Variants in ZFYVE26 observed in about 807,000 individuals in gnomAD.
ZFYVE26 encodes the protein zinc finger FYVE domain-containing protein 26.
ZFYVE26 carries 181 observed loss-of-function variants against 276.5 expected under a neutral mutation model. The observed-to-expected ratio is 0.65, with a 90% CI of 0.58 to 0.74. ZFYVE26 has a LOEUF of 0.74. ZFYVE26 is among the 30% of genes least tolerant of loss of function. The pLI is 0.00. For synonymous variants in ZFYVE26, 1,129 were observed against 1,203.1 expected (o/e 0.94, Z 1.27); for missense variants, 2,821 against 3,097.9 (o/e 0.91, Z 2.12).
In ZFYVE26 at chr14:67,762,810, G is replaced by C. The variant is rs142479838; in HGVS notation, c.6021C>G (p.Ser2007Arg). The C allele has an allele frequency of 8.7e-6, 14 of 1,613,900 alleles. No individual in the cohort carries two copies. Among genetic ancestry groups the C allele is most frequent in the Non-Finnish European group, 1.2e-5 (14 of 1,180,046 alleles). ...QDLALCDSYI[S>R]KVDVLNILVA... ...CTAAAATATTCAGCACATCTACCTT[G>C]CTGATGTAGCTACAAGGAGGAAAAG... The change falls in exon 33 of 42, where the codon AGC (serine) becomes AGG (arginine). Residue 2007 changes from serine (S) to arginine (R), a missense_variant. By Grantham distance (110) the Ser-to-Arg change is moderately radical (BLOSUM62 -1). Coordinates refer to ENST00000347230, the MANE Select transcript of ZFYVE26 (RefSeq NM_015346.4).
At chr14:67,815,711 A>C (rs1753287333) in intron 2 of ZFYVE26, 59 bp downstream of exon 2, 1 of 1,569,748 alleles carries the variant, frequency 6.4e-7, no homozygotes, top group Non-Finnish European at 8.8e-7. Flanking sequence ...CCAATGCCCA[A>C]ATATTGAACC....
chr14:67,773,826 G>GC (rs1287458130), intron 27 of ZFYVE26, among the ~76,000 whole-genome samples: 1 of 152,158 alleles, frequency 6.6e-6, no homozygotes, highest in African/African-American at 2.4e-5. Flanking sequence ...ACTCTTAGTA[G>GC]CACTCAGAAG....
chr14:67,775,314 T>C (rs2039313086), intron 26 of ZFYVE26, among the ~76,000 whole-genome samples, 200 bp from the exon 27 acceptor site: 1 of 152,168 alleles, frequency 6.6e-6, no homozygotes, highest in Non-Finnish European at 1.5e-5. Context: ...AAACCATGTT[T>C]AGGCATGTGA....
chr14:67,804,617 T>C (rs1365910441), intron 8 of ZFYVE26, among the ~76,000 whole-genome samples: 2 of 152,186 alleles, frequency 1.3e-5, no homozygotes, highest in South Asian at 2.1e-4. Context: ...CCCTTGCTAC[T>C]TCCCCCTCTG....
intron 18 of ZFYVE26, among the ~76,000 whole-genome samples, chr14:67,785,526 T>A (rs966111728): frequency 6.6e-6 from 1 of 152,206 alleles, no homozygotes; most frequent in African/African-American, 2.4e-5. Context: ...TCTATTTTTA[T>A]CCTTGTCTCT....
At chr14:67,805,744 G>A in intron 6 of ZFYVE26, 126 bp from the exon 7 acceptor site, 2 of 1,183,520 alleles carry the variant, frequency 1.7e-6, no homozygotes, top group Non-Finnish European at 2.4e-6. Context: ...AACAGGAGTG[G>A]TTGGCTGGGC....
rs201566214 is a variant in ZFYVE26, at chr14:67,775,865, C to T, written c.5216G>A (p.Arg1739Gln). The change falls in exon 26 of 42, where the codon CGA becomes CAA. Residue 1739 changes from arginine (R) to glutamine (Q), a missense_variant. Coordinates refer to ENST00000347230, the MANE Select transcript of ZFYVE26 (RefSeq NM_015346.4). ...LDFPYPQREK[R>Q]SDSVIHLQEI... ...TCTAGGATGCTAGCAGTTACCTGAT[C>T]GTTTCTCCCTCTGAGGGTATGGAAA... is the stretch of plus-strand genomic sequence containing the variant. 2.0e-5 allele frequency: 33 copies of T among 1,614,178 alleles called. No individual in the cohort carries two copies. Among genetic ancestry groups the T allele is most frequent in the Middle Eastern group, 3.3e-4 (2 of 6,062 alleles).
chr14:67,778,784 G>C (rs1360274941), intron 23 of ZFYVE26, among the ~76,000 whole-genome samples: 1 of 150,654 alleles, frequency 6.6e-6, no homozygotes, highest in Non-Finnish European at 1.5e-5. Context: ...CTAGGGCTTT[G>C]TTCAAATATT....
intron 11 of ZFYVE26, 37 bp downstream of exon 11, chr14:67,797,977 C>T: frequency 2.5e-6 from 4 of 1,613,520 alleles, no homozygotes; most frequent in Non-Finnish European, 3.4e-6. Flanking sequence ...TTCTCCCTCT[C>T]CACCTTCTGG....
intron 35 of ZFYVE26, among the ~76,000 whole-genome samples, chr14:67,758,977 C>T (rs1169171524): frequency 1.3e-5 from 2 of 152,066 alleles, no homozygotes; most frequent in Admixed American, 1.3e-4. Context: ...CGGTGGCTCA[C>T]GCCTCTAATC....
intron 28 of ZFYVE26, 196 bp from the exon 29 acceptor site, chr14:67,769,926 G>T: frequency 1.4e-6 from 1 of 707,920 alleles, no homozygotes; most frequent in Non-Finnish European, 2.4e-6. Flanking sequence ...TCAGCTGATG[G>T]GCAAAGGTGC....
chr14:67,743,614 T>G (rs930046244), downstream of ZFYVE26, among the ~76,000 whole-genome samples: 2 of 152,216 alleles, frequency 1.3e-5, no homozygotes, highest in Non-Finnish European at 2.9e-5. Flanking sequence ...TAGAATTGAA[T>G]GCATTCCATT....
intron 4 of ZFYVE26, 46 bp downstream of exon 4, chr14:67,809,154 A>T: frequency 6.5e-7 from 1 of 1,528,372 alleles, no homozygotes; most frequent in Non-Finnish European, 9.1e-7. Flanking sequence ...TAAGCTGCTT[A>T]AGTGACTGTC....
chr14:67,762,506 C>A lies in ZFYVE26; in HGVS notation c.6160-94G>T. On this transcript the variant is annotated intron_variant, in intron 33 of 41. Coordinates refer to ENST00000347230, the MANE Select transcript of ZFYVE26 (RefSeq NM_015346.4). ...TCTATTCCCAAGTTGCCAACCACCT[C>A]ATTCCCACTATCTGCCATTACTTCT... 3.3e-6 allele frequency: 5 copies of A among 1,529,518 alleles called. No homozygotes were observed. The South Asian group carries it at 5.9e-5, about 18-fold the overall frequency. 94.7% of individuals were successfully genotyped at this position (1,529,518 alleles called of 1,614,324 possible).
chr14:67,752,219 G>A, intron 40 of ZFYVE26, 125 bp downstream of exon 40: 2 of 1,238,010 alleles, frequency 1.6e-6, no homozygotes. Context: ...TATTGCAGAG[G>A]GGTTCAGAAT....
intron 41 of ZFYVE26, among the ~76,000 whole-genome samples, chr14:67,749,025 T>A (rs1187789219): frequency 6.6e-6 from 1 of 152,144 alleles, no homozygotes; most frequent in Non-Finnish European, 1.5e-5. Context: ...GAGTGATTAT[T>A]TGGTTATGCC....
rs1201941552 is a variant in ZFYVE26, at chr14:67,782,799, C to G, written c.4353G>C (p.Leu1451=). The G allele has an allele frequency of 1.9e-6, 3 of 1,614,236 alleles. No individual in the cohort carries two copies. The highest frequency in any genetic ancestry group is 2.5e-6 in the Non-Finnish European group (3 of 1,180,038). ...GCTCACCACATGCCACAGCACAGCT[C>G]AGGACTGCATCCTTTATGCTGCTCA... ...DDLSSIKDAV[L]SCAVACDKEG... The change falls in exon 21 of 42, where the codon CTG becomes CTC. Residue 1451 remains leucine (L), a synonymous_variant. Transcript: ENST00000347230.
chr14:67,810,861 TGTGTGTGTGTGAGA>T (rs1019371823), intron 3 of ZFYVE26, among the ~76,000 whole-genome samples: 43 of 151,916 alleles, frequency 2.8e-4, no homozygotes, highest in Admixed American at 1.6e-3. Flanking sequence ...CCTGCAGGGA[TGTGTGTGTGTGAGA>T]GTGTGTGTGT....
At position 67,793,656 on chromosome 14, in the gene ZFYVE26, T is replaced by C. The variant is rs1174556749; in HGVS notation, c.2505A>G (p.Ser835=). The C allele has an allele frequency of 2.5e-6, 4 of 1,613,768 alleles. No homozygotes were observed. In the East Asian group the frequency reaches 6.7e-5, roughly 27 times the overall value. ...CGCGAAGGATGCAGGATGCCAGCAGTGACTCAGGTGGGGAGAACATCATGG... is the reference window on the plus strand; with the variant it reads ...CGCGAAGGATGCAGGATGCCAGCAGCGACTCAGGTGGGGAGAACATCATGG... ...LIPMMFSPPE[S]LLASCILRGN... The change falls in exon 14 of 42, where the codon TCA becomes TCG. Residue 835 remains serine (S), a synonymous_variant. Transcript: ENST00000347230.
Sources: gnomAD v4.1 joint callset for allele counts (sites outside exome capture counted in the v4.1 genomes callset) on GRCh38, gnomAD v4.1.1 for gene constraint, MANE v1.5 for transcripts, NCBI Gene and HGNC (gene_info 2026-07-23, HGNC 2026-07-21) for gene names.